The following THADA variants were observed in gnomAD, a reference collection of about 807,000 sequenced individuals.
The protein encoded by THADA is tRNA (32-2'-O)-methyltransferase regulator THADA.
THADA carries 213 observed loss-of-function variants against 219.8 expected under a neutral mutation model. The observed-to-expected ratio is 0.97, with a 90% CI of 0.87 to 1.09. THADA has a LOEUF of 1.09. Ranked by LOEUF, THADA falls within the 50% of genes least tolerant of loss-of-function variation. The pLI is 0.00. For synonymous variants in THADA, 1,018 were observed against 828.9 expected (o/e 1.23, Z -3.92); for missense variants, 2,956 against 2,311.3 (o/e 1.28, Z -5.72).
At chr2:43,253,619 T>C (rs887773911) in intron 36 of THADA, among the ~76,000 whole-genome samples, 1 of 152,172 alleles carries the variant, frequency 6.6e-6, no homozygotes, top group Non-Finnish European at 1.5e-5. Flanking sequence ...GTTATTCCCT[T>C]TGCTAGCTCC....
At chr2:43,387,661 G>A (rs976629837) in intron 29 of THADA, among the ~76,000 whole-genome samples, 3 of 152,018 alleles carry the variant, frequency 2.0e-5, no homozygotes, top group East Asian at 1.9e-4. Flanking sequence ...CCCCGCCTCC[G>A]CCCCCTGCCT....
At chr2:43,432,794 T>C (rs1372057765) in intron 26 of THADA, among the ~76,000 whole-genome samples, 2 of 152,224 alleles carry the variant, frequency 1.3e-5, no homozygotes, top group Non-Finnish European at 2.9e-5. Context: ...TGAGCACTTT[T>C]CATGTGCTTT....
chr2:43,566,694 T>C lies in THADA; in HGVS notation c.2311+4A>G. The C allele has an allele frequency of 6.2e-7, 1 of 1,608,788 alleles. No individual in the cohort carries two copies. The highest frequency in any genetic ancestry group is 1.1e-5 in the South Asian group (1 of 89,386). The stretch of plus-strand genomic sequence containing the variant: ...TACTTCCCCTAACATTATTAAACAC[T>C]TACCTTCTGGGACATGAAAAACTTC... On this transcript the variant is annotated splice_donor_region_variant and intron_variant, in intron 15 of 37. Transcript: ENST00000405975.
At chr2:43,437,924 T>C (rs1258005177) in intron 26 of THADA, among the ~76,000 whole-genome samples, 1 of 151,996 alleles carries the variant, frequency 6.6e-6, no homozygotes, top group Non-Finnish European at 1.5e-5. Context: ...GGACAAATAA[T>C]ATAAAAATGG....
chr2:43,436,897 C>T (rs967886772), intron 26 of THADA, among the ~76,000 whole-genome samples: 9 of 152,126 alleles, frequency 5.9e-5, no homozygotes, highest in African/African-American at 1.9e-4. Context: ...CAACCAAACA[C>T]GGTGATTTGC....
In THADA at chr2:43,528,126, CTTTTTTTTT is replaced by C. The variant is rs367822642; in HGVS notation, c.3265-147_3265-139del. 12 of 162,960 alleles carry C rather than the reference CTTTTTTTTT, an allele frequency of 7.4e-5. 1 individual carries two copies. Among genetic ancestry groups the C allele is most frequent in the East Asian group, 5.1e-4 (3 of 5,850 alleles). 10.1% of individuals were successfully genotyped at this position (162,960 alleles called of 1,614,324 possible). On this transcript the variant is annotated intron_variant, in intron 21 of 37. Transcript: ENST00000405975. ...ACCATATGACAGAACATGTTTTAAG[CTTTTTTTTT>C]TTTTTTTTTTTTTGAGATGGATTTT... is the stretch of plus-strand genomic sequence containing the variant.
At chr2:43,398,661 C>T (rs900810976) in intron 28 of THADA, among the ~76,000 whole-genome samples, 4 of 152,274 alleles carry the variant, frequency 2.6e-5, no homozygotes, top group African/African-American at 9.6e-5. Context: ...AAGCATGATT[C>T]AAGTAGGCCA....
In THADA at chr2:43,450,292, A is replaced by C. The variant is rs1040252867; in HGVS notation, c.3837-19990T>G. Among the ~76,000 whole-genome samples the C allele has an allele frequency of 7.2e-5, 11 of 152,332 alleles. No homozygotes were observed. The South Asian group carries it at 1.9e-3, about 26-fold the overall frequency. On this transcript the variant is annotated intron_variant, in intron 26 of 37. Coordinates refer to ENST00000405975, the MANE Select transcript of THADA (RefSeq NM_022065.5). Reference sequence around the variant, plus strand: ...ATTAAGAGATTTATGCACAAAAATAAAACAACTACTAATGTTTTGGACACA... The same window carrying C: ...ATTAAGAGATTTATGCACAAAAATACAACAACTACTAATGTTTTGGACACA...
chr2:43,482,859 T>A (rs914562654), intron 26 of THADA, among the ~76,000 whole-genome samples: 11 of 152,270 alleles, frequency 7.2e-5, no homozygotes, highest in African/African-American at 2.6e-4. Flanking sequence ...AAAATGAACT[T>A]CTAATAGTTT....
At chr2:43,540,793 T>C (rs1430371888) in intron 21 of THADA, among the ~76,000 whole-genome samples, 1 of 152,210 alleles carries the variant, frequency 6.6e-6, no homozygotes, top group Non-Finnish European at 1.5e-5. Flanking sequence ...AACCAACATG[T>C]TACTTTTTTT....
chr2:43,558,118 G>A (rs866054602), intron 16 of THADA, among the ~76,000 whole-genome samples: 14 of 152,054 alleles, frequency 9.2e-5, no homozygotes, highest in Non-Finnish European at 1.6e-4. Flanking sequence ...TCTTTGTTCC[G>A]TCATCTTAGG....
Position 43,397,283 on chromosome 2 carries a change from C to T in THADA, c.4227+688G>A, listed in dbSNP as rs771568884. ...CTGACATTTATTTTCCACCCCTAAC[C>T]GCATGCCTATATGAGCACTATAGCA... On this transcript the variant is annotated intron_variant, in intron 29 of 37. Transcript: ENST00000405975. Among the ~76,000 whole-genome samples the T allele has an allele frequency of 5.9e-5, 9 of 152,136 alleles. No homozygotes were observed. In the South Asian group the frequency reaches 8.3e-4, roughly 14 times the overall value.
chr2:43,345,467 T>C (rs987885711), intron 29 of THADA, among the ~76,000 whole-genome samples: 3 of 152,180 alleles, frequency 2.0e-5, no homozygotes, highest in Admixed American at 6.5e-5. Flanking sequence ...CAAGTCCCAA[T>C]GTGGAGACTG....
chr2:43,385,655 A>G (rs971359585), intron 29 of THADA, among the ~76,000 whole-genome samples: 12 of 151,382 alleles, frequency 7.9e-5, no homozygotes, highest in Non-Finnish European at 1.3e-4. Context: ...CATAAAGTCT[A>G]TCTGCTATAA....
chr2:43,588,811 A>G (rs1016921079), intron 4 of THADA, among the ~76,000 whole-genome samples: 4 of 152,154 alleles, frequency 2.6e-5, no homozygotes, highest in Non-Finnish European at 5.9e-5. Flanking sequence ...CAGAAATTCC[A>G]CTTCTTGGAA....
rs184853154 is a variant in THADA at position 43,553,320 on chromosome 2, A to T, written c.2675-981T>A. On this transcript the variant is annotated intron_variant, in intron 17 of 37. Coordinates refer to ENST00000405975, the MANE Select transcript of THADA (RefSeq NM_022065.5). ...CCCCACCCCAATATTGGTATTTTGAAGTCCTAATCCCTAATGTGATAATCG... is the reference window on the plus strand; with the variant it reads ...CCCCACCCCAATATTGGTATTTTGATGTCCTAATCCCTAATGTGATAATCG... 2.2e-3 allele frequency among the ~76,000 whole-genome samples: 342 copies of T among 152,300 alleles called. 1 individual carries two copies. The highest frequency in any genetic ancestry group is 7.9e-3 in the African/African-American group (330 of 41,572).
chr2:43,522,282 G>A (rs907272637), intron 22 of THADA, among the ~76,000 whole-genome samples: 2 of 152,178 alleles, frequency 1.3e-5, no homozygotes, highest in African/African-American at 2.4e-5. Flanking sequence ...CATATCAAGA[G>A]AAGCCATCTT....
At chr2:43,460,278 A>C (rs1322674558) in intron 26 of THADA, among the ~76,000 whole-genome samples, 1 of 151,554 alleles carries the variant, frequency 6.6e-6, no homozygotes, top group African/African-American at 2.4e-5. Flanking sequence ...GTAAGCCAGA[A>C]AGCTGAAATG....
chr2:43,280,540 G>C (rs1293128337), intron 35 of THADA, among the ~76,000 whole-genome samples: 1 of 152,160 alleles, frequency 6.6e-6, no homozygotes, highest in South Asian at 2.1e-4. Context: ...GCTGAGATGG[G>C]AGAATCGCTT....
Sources: gnomAD v4.1 joint callset for allele counts (sites outside exome capture counted in the v4.1 genomes callset) on GRCh38, gnomAD v4.1.1 for gene constraint, MANE v1.5 for transcripts, NCBI Gene and HGNC (gene_info 2026-07-23, HGNC 2026-07-21) for gene names.